PDE4D: variants seen among roughly 807,000 people sequenced by gnomAD.
The protein encoded by PDE4D is 3',5'-cyclic-AMP phosphodiesterase 4D.
PDE4D carries 24 observed loss-of-function variants against 87.4 expected under a neutral mutation model. That is an observed-to-expected ratio of 0.27 (90% CI 0.20 to 0.39). PDE4D has a LOEUF of 0.39. Among genes scored for constraint, PDE4D ranks in the 10% least tolerant of loss-of-function variants. PDE4D has a pLI of 1.00. For missense variants in PDE4D, 714 were observed against 1,041.0 expected (o/e 0.69, Z 4.32); for synonymous variants, 384 against 383.2 (o/e 1.00, Z -0.02).
chr5:59,882,437 G>A (rs1749560077), intron 1 of PDE4D, among the ~76,000 whole-genome samples: 1 of 152,104 alleles, frequency 6.6e-6, no homozygotes, highest in African/African-American at 2.4e-5. Context: ...TTCCAAGTGA[G>A]CTGGAAGCAC....
At chr5:59,885,757 G>A (rs1750052059) in intron 1 of PDE4D, among the ~76,000 whole-genome samples, 2 of 151,598 alleles carry the variant, frequency 1.3e-5, no homozygotes, top group Admixed American at 1.3e-4. Context: ...GATCAAAACT[G>A]TTATTTCTCT....
At chr5:60,091,446 C>T (rs961792712) in intron 2 of PDE4D, among the ~76,000 whole-genome samples, 1 of 152,008 alleles carries the variant, frequency 6.6e-6, no homozygotes, top group Admixed American at 6.6e-5. Context: ...ATCATCCCAC[C>T]CCAGTTTAAA....
At chr5:60,018,597 C>T (rs985614597) in intron 2 of PDE4D, among the ~76,000 whole-genome samples, 1 of 152,114 alleles carries the variant, frequency 6.6e-6, no homozygotes, top group Non-Finnish European at 1.5e-5. Flanking sequence ...AGGGACTCAT[C>T]TCATGTGCAA....
intron 1 of PDE4D, among the ~76,000 whole-genome samples, chr5:59,273,475 T>C (rs1250288225): frequency 6.6e-6 from 1 of 152,104 alleles, no homozygotes; most frequent in African/African-American, 2.4e-5. Flanking sequence ...GATAGACGGA[T>C]AATAAAATGG....
intron 5 of PDE4D, among the ~76,000 whole-genome samples, chr5:59,126,099 A>AAC (rs1395613363): frequency 7.3e-6 from 1 of 137,398 alleles, no homozygotes; most frequent in Non-Finnish European, 1.5e-5. Context: ...CAATTGTAAA[A>AAC]AAAAAAAAAG....
chr5:59,259,253 C>A (rs1303311928), intron 1 of PDE4D, among the ~76,000 whole-genome samples: 1 of 151,832 alleles, frequency 6.6e-6, no homozygotes, highest in Non-Finnish European at 1.5e-5. Flanking sequence ...TTAACATTCA[C>A]AGAAACCCTA....
intron 2 of PDE4D, among the ~76,000 whole-genome samples, chr5:60,096,280 T>C (rs951260376): frequency 2.6e-5 from 4 of 152,046 alleles, no homozygotes; most frequent in Non-Finnish European, 5.9e-5. Flanking sequence ...ATCTGATCTT[T>C]GAAAAACCTG....
intron 1 of PDE4D, among the ~76,000 whole-genome samples, chr5:60,233,425 T>A (rs1360092715): frequency 2.0e-5 from 3 of 151,814 alleles, no homozygotes; most frequent in Non-Finnish European, 4.4e-5. Flanking sequence ...GGTTCTCTAA[T>A]TTAAGATTTC....
chr5:59,941,771 T>C (rs561815005), intron 3 of PDE4D, among the ~76,000 whole-genome samples: 1 of 152,316 alleles, frequency 6.6e-6, no homozygotes, highest in South Asian at 2.1e-4. Context: ...CTTCTATATT[T>C]ATCTCTCCTG....
intron 5 of PDE4D, among the ~76,000 whole-genome samples, chr5:59,144,422 G>A (rs1412967426): frequency 6.6e-6 from 1 of 152,146 alleles, no homozygotes. Context: ...TAAATGGTAT[G>A]TTCAGAGATG....
chr5:60,468,282 G>A (rs1747544324), intron 1 of PDE4D, among the ~76,000 whole-genome samples: 1 of 143,756 alleles, frequency 7.0e-6, no homozygotes, highest in Non-Finnish European at 1.6e-5. Context: ...GGAACCACAG[G>A]TGAGTGCCAC....
intron 1 of PDE4D, among the ~76,000 whole-genome samples, chr5:59,606,637 G>A (rs902619766): frequency 6.6e-6 from 1 of 152,120 alleles, no homozygotes; most frequent in Non-Finnish European, 1.5e-5. Flanking sequence ...GACAGGACTG[G>A]TTGGAGGGGA....
At chr5:59,224,980 C>G (rs1293352183) in intron 1 of PDE4D, among the ~76,000 whole-genome samples, 3 of 152,046 alleles carry the variant, frequency 2.0e-5, no homozygotes, top group Non-Finnish European at 4.4e-5. Context: ...CCAGAAAGCC[C>G]CAACCAAAAA....
intron 1 of PDE4D, among the ~76,000 whole-genome samples, chr5:59,702,697 C>A (rs1454380365): frequency 6.6e-6 from 1 of 151,396 alleles, no homozygotes; most frequent in African/African-American, 2.4e-5. Context: ...GGCGAAACCT[C>A]ATCTCTACAA....
At chr5:59,426,998 T>TACACACACAC (rs3061709) in intron 1 of PDE4D, among the ~76,000 whole-genome samples, 1 of 125,144 alleles carries the variant, frequency 8.0e-6, no homozygotes, top group Admixed American at 8.2e-5. Flanking sequence ...CTTGAAGCTA[T>TACACACACAC]ACACACACAC....
At chr5:60,223,477 G>A (rs1232881999) in intron 1 of PDE4D, among the ~76,000 whole-genome samples, 1 of 152,040 alleles carries the variant, frequency 6.6e-6, no homozygotes, top group Non-Finnish European at 1.5e-5. Context: ...CTATTGTAAG[G>A]CAGAAGTGGT....
chr5:59,286,492 CT>C (rs1766978701), intron 1 of PDE4D, among the ~76,000 whole-genome samples: 1 of 152,124 alleles, frequency 6.6e-6, no homozygotes, highest in East Asian at 1.9e-4. Flanking sequence ...TTTTTTAAAA[CT>C]TATTTAAGCA....
chr5:59,995,395 T>C (rs1763437292), intron 2 of PDE4D, among the ~76,000 whole-genome samples: 1 of 151,256 alleles, frequency 6.6e-6, no homozygotes, highest in South Asian at 2.1e-4. Flanking sequence ...CTCAGCTCAC[T>C]GCAACCCTCG....
At chr5:59,436,217 G>A (rs1167599901) in intron 1 of PDE4D, among the ~76,000 whole-genome samples, 1 of 152,120 alleles carries the variant, frequency 6.6e-6, no homozygotes, top group African/African-American at 2.4e-5. Context: ...AATGGCTACA[G>A]TCAGAAGGAA....
Sources: gnomAD v4.1 joint callset for allele counts (sites outside exome capture counted in the v4.1 genomes callset) on GRCh38, gnomAD v4.1.1 for gene constraint, MANE v1.5 for transcripts, NCBI Gene and HGNC (gene_info 2026-07-23, HGNC 2026-07-21) for gene names.